Variants in SMAD5 observed in about 807,000 individuals in gnomAD.
SMAD5 encodes MAD, mothers against decapentaplegic homolog 5.
In SMAD5, 9 loss-of-function variants were observed where a neutral mutation model predicts 43.1. The ratio of observed to expected loss-of-function variants is 0.21; its 90% CI spans 0.13 to 0.36. The LOEUF is 0.36. Ranked by LOEUF, SMAD5 falls within the 10% of genes least tolerant of loss-of-function variation. SMAD5 has a pLI of 1.00. For synonymous variants in SMAD5, 190 were observed against 192.4 expected (o/e 0.99, Z 0.10); for missense variants, 348 against 574.0 (o/e 0.61, Z 4.02).
intron 3 of SMAD5, among the ~76,000 whole-genome samples, chr5:136,160,380 C>A (rs1753784567): frequency 6.6e-6 from 1 of 152,050 alleles, no homozygotes; most frequent in Non-Finnish European, 1.5e-5. Context: ...AGTGCGTAGG[C>A]CAACTGATTT....
chr5:136,145,013 G>A (rs898188511), intron 1 of SMAD5, among the ~76,000 whole-genome samples: 11 of 151,842 alleles, frequency 7.2e-5, no homozygotes, highest in Non-Finnish European at 1.0e-4. Flanking sequence ...GAGAACAAAG[G>A]AGGGGTTAGA....
Position 136,174,627 on chromosome 5 carries a change from G to A in SMAD5, c.1249G>A (p.Val417Ile), listed in dbSNP as rs991396564. 3.1e-6 allele frequency: 5 copies of A among 1,607,720 alleles called. No homozygotes were observed. In the South Asian group the frequency reaches 3.3e-5, roughly 11 times the overall value. Residue 417 changes from valine to isoleucine, a missense_variant, in exon 7 of 8, where the codon GTC becomes ATC. Val to Ile is a conservative substitution (Grantham distance 29). Transcript: ENST00000545279. ...AATGTGTACCATTCGGATGAGTTTTGTCAAGGTGAGTTGTGACCTCTAACA... is the reference window on the plus strand; with the variant it reads ...AATGTGTACCATTCGGATGAGTTTTATCAAGGTGAGTTGTGACCTCTAACA... ...TKMCTIRMSF[V>I]KGWGAEYHRQ...
intron 4 of SMAD5, among the ~76,000 whole-genome samples, chr5:136,162,384 A>G (rs572840791): frequency 6.6e-6 from 1 of 152,336 alleles, no homozygotes; most frequent in Non-Finnish European, 1.5e-5. Flanking sequence ...CCATTGAACA[A>G]AACATTATTC....
chr5:136,145,672 T>C (rs17839786), intron 1 of SMAD5, among the ~76,000 whole-genome samples: 13,833 of 151,952 alleles, frequency 0.091, 771 homozygotes, highest in East Asian at 0.27. Context: ...ATTACAACAA[T>C]AATAACTACA....
intron 7 of SMAD5, among the ~76,000 whole-genome samples, chr5:136,176,473 AAAAAAAAAAAG>A (rs1754424911): frequency 6.7e-6 from 1 of 149,958 alleles, no homozygotes; most frequent in African/African-American, 2.5e-5. Context: ...AAAAAAAAAA[AAAAAAAAAAAG>A]AAACTCTGAC....
At chr5:136,140,767 A>G (rs1332737478) in intron 1 of SMAD5, among the ~76,000 whole-genome samples, 3 of 150,886 alleles carry the variant, frequency 2.0e-5, no homozygotes, top group African/African-American at 7.3e-5. Context: ...ATCATTTACT[A>G]TATCTCGTTG....
intron 1 of SMAD5, among the ~76,000 whole-genome samples, chr5:136,136,484 A>G (rs892520433): frequency 1.3e-5 from 2 of 152,192 alleles, no homozygotes; most frequent in Non-Finnish European, 2.9e-5. Flanking sequence ...GTTGTCACAT[A>G]CCCTTTACCT....
chr5:136,161,818 C>T (rs1321436034), intron 4 of SMAD5, among the ~76,000 whole-genome samples: 1 of 152,190 alleles, frequency 6.6e-6, no homozygotes, highest in Non-Finnish European at 1.5e-5. Context: ...CACTTGATGT[C>T]ATTGATAACG....
intron 1 of SMAD5, among the ~76,000 whole-genome samples, chr5:136,135,860 GTC>G (rs1334912665): frequency 2.0e-5 from 3 of 152,120 alleles, no homozygotes; most frequent in African/African-American, 7.2e-5. Flanking sequence ...CTGTCTGTCT[GTC>G]TCTCTGTCTC....
rs1218011973 is a variant in SMAD5, at chr5:136,181,423, A to G, written c.*3943A>G. On this transcript the variant is annotated 3_prime_UTR_variant, in exon 8 of 8. Transcript: ENST00000545279. Reference sequence around the variant, plus strand: ...AGATGAGCAAGTATCTTAGGGTAGTAGGTAGCCTGGTGGTTTTAGAAGTGT... The same window carrying G: ...AGATGAGCAAGTATCTTAGGGTAGTGGGTAGCCTGGTGGTTTTAGAAGTGT... 6.6e-6 allele frequency: 1 copy of G among 152,138 alleles called. No individual in the cohort carries two copies. The highest frequency in any genetic ancestry group is 1.5e-5 in the Non-Finnish European group (1 of 68,004). 9.4% of individuals were successfully genotyped at this position (152,138 alleles called of 1,614,324 possible).
In SMAD5 at chr5:136,153,997, T is replaced by G; in HGVS notation, c.237T>G (p.Ser79=). Reference sequence around the variant, plus strand: ...CTTTAGATGGACGCCTGCAGGTTTCTCACAGAAAAGGCTTACCCCATGTTA... The same window carrying G: ...CTTTAGATGGACGCCTGCAGGTTTCGCACAGAAAAGGCTTACCCCATGTTA... The part of the protein sequence containing the change: ...PRSLDGRLQV[S]HRKGLPHVIY... The change falls in exon 3 of 8, where the codon TCT becomes TCG. Residue 79 remains serine, a synonymous_variant. Coordinates refer to ENST00000545279, the MANE Select transcript of SMAD5 (RefSeq NM_005903.7). 6.2e-7 allele frequency: 1 copy of G among 1,610,186 alleles called. No individual in the cohort carries two copies. The highest frequency in any genetic ancestry group is 8.5e-7 in the Non-Finnish European group (1 of 1,178,540).
intron 7 of SMAD5, 45 bp downstream of exon 7, chr5:136,174,677 A>G (rs781266506): frequency 1.1e-5 from 15 of 1,375,732 alleles, no homozygotes; most frequent in Non-Finnish European, 1.3e-5. Flanking sequence ...ATAAATGTGT[A>G]TATTATGACT....
At chr5:136,154,185 A>G in intron 3 of SMAD5, 22 bp downstream of exon 3, 1 of 1,428,494 alleles carries the variant, frequency 7.0e-7, no homozygotes, top group Non-Finnish European at 9.2e-7. Flanking sequence ...TCCTGAGAAG[A>G]ATTTGGAAAA....
Position 136,181,651 on chromosome 5 carries a change from C to G in SMAD5, c.*4171C>G, listed in dbSNP as rs538360069. ...GTGAGAATTGAAGGCATTTCTTCTG[C>G]ATAAACAAAGAATTCTACCTGCTGG... On this transcript the variant is annotated 3_prime_UTR_variant, in exon 8 of 8. Coordinates refer to ENST00000545279, the MANE Select transcript of SMAD5 (RefSeq NM_005903.7). 14 of 152,282 alleles carry G rather than the reference C, an allele frequency of 9.2e-5. No individual in the cohort carries two copies. In the East Asian group the frequency reaches 2.7e-3, roughly 29 times the overall value. 9.4% of individuals were successfully genotyped at this position (152,282 alleles called of 1,614,324 possible). A position where few individuals can be genotyped will look rare whatever the true frequency, so the allele number is the denominator to read the frequency against.
chr5:136,177,150 A>T (rs1754448182), intron 7 of SMAD5, among the ~76,000 whole-genome samples, 187 bp from the exon 8 acceptor site: 2 of 152,198 alleles, frequency 1.3e-5, no homozygotes, highest in African/African-American at 4.8e-5. Flanking sequence ...ATGAATCTTT[A>T]AATAATGTAG....
rs1332418631 is a variant in SMAD5, at chr5:136,132,954, G to A, written c.-253G>A. The A allele has an allele frequency of 6.6e-6, 1 of 152,258 alleles. No homozygotes were observed. The highest frequency in any genetic ancestry group is 1.9e-4 in the East Asian group (1 of 5,200). The allele number at this position is 152,258 out of a possible 1,614,324, so 9.4% of individuals were successfully genotyped here. A position where few individuals can be genotyped will look rare whatever the true frequency, so the allele number is the denominator to read the frequency against. The stretch of plus-strand genomic sequence containing the variant: ...CGGCGTCGGGAGAGCGCGCCTAGCC[G>A]GCTCGCGAGTGAGTGAGGGTCCCCG... On this transcript the variant is annotated 5_prime_UTR_variant, in exon 1 of 8. Transcript: ENST00000545279.
At chr5:136,143,223 T>G (rs1753143325) in intron 1 of SMAD5, among the ~76,000 whole-genome samples, 1 of 152,076 alleles carries the variant, frequency 6.6e-6, no homozygotes, top group African/African-American at 2.4e-5. Context: ...AACCTTAACT[T>G]TTCTAGTTAG....
intron 3 of SMAD5, among the ~76,000 whole-genome samples, chr5:136,155,548 A>T (rs982070676): frequency 6.6e-6 from 1 of 152,176 alleles, no homozygotes; most frequent in African/African-American, 2.4e-5. Context: ...TCCTACTGAA[A>T]ACACTTTCAA....
chr5:136,140,521 A>G (rs1010716108), intron 1 of SMAD5, among the ~76,000 whole-genome samples: 2 of 152,118 alleles, frequency 1.3e-5, no homozygotes, highest in Non-Finnish European at 2.9e-5. Context: ...CATGCCAGAC[A>G]TGCTCCTACC....
Sources: gnomAD v4.1 joint callset for allele counts (sites outside exome capture counted in the v4.1 genomes callset) on GRCh38, gnomAD v4.1.1 for gene constraint, MANE v1.5 for transcripts, NCBI Gene and HGNC (gene_info 2026-07-23, HGNC 2026-07-21) for gene names.